ZNF442: variants seen among roughly 807,000 people sequenced by gnomAD.
ZNF442 encodes zinc finger protein 442.
Under a neutral mutation model 57.0 loss-of-function variants are expected in ZNF442, and 45 were observed. The ratio of observed to expected loss-of-function variants is 0.79; its 90% CI spans 0.62 to 1.01. The LOEUF (loss-of-function observed/expected upper bound fraction) is 1.01. ZNF442 is among the 50% of genes least tolerant of loss of function. The pLI is 0.00. For missense variants in ZNF442, 690 were observed against 756.5 expected, an observed-to-expected ratio of 0.91 and a Z score of 1.03; for synonymous variants, 213 against 241.8, an observed-to-expected ratio of 0.88 and a Z score of 1.10.
chr19:12,352,939 G>T, intron 4 of ZNF442, 49 bp downstream of exon 4: 1 of 1,580,796 alleles, frequency 6.3e-7, no homozygotes, highest in East Asian at 2.3e-5. Context: ...TGATGACCAA[G>T]AAAAAAATGT....
the ZNF442 span, among the ~76,000 whole-genome samples, chr19:12,373,415 A>G: frequency 2.6e-5 from 4 of 152,044 alleles, no homozygotes; most frequent in African/African-American, 9.7e-5. Context: ...GGTGGCGCAC[A>G]CCTATAGTCC....
rs372130409 is a variant in ZNF442 at position 12,349,904 on chromosome 19, G to A, written c.1681C>T (p.Arg561Ter). The A allele has an allele frequency of 5.5e-5, 88 of 1,613,770 alleles. No homozygotes were observed. Among genetic ancestry groups the A allele is most frequent in the African/African-American group, 6.7e-5 (5 of 74,788 alleles). The change falls in exon 6 of 6, where the codon CGA (arginine) becomes TGA (stop). Residue 561 changes from arginine to a stop codon, truncating the protein, a stop_gained. Coordinates refer to ENST00000242804, the MANE Select transcript of ZNF442 (RefSeq NM_030824.3). LOFTEE classifies it high-confidence loss of function. ...TTTCCAGTGTGAATTCTTTCATGTCGCAGAAGGCAAGTGAGCCAAGAGAAT... is the reference window on the plus strand; with the variant it reads ...TTTCCAGTGTGAATTCTTTCATGTCACAGAAGGCAAGTGAGCCAAGAGAAT... Reference protein sequence around the residue: ...KAFSWLTCLLRHERIHTGKKS... With the variant: ...KAFSWLTCLL
Position 12,349,402 on chromosome 19 carries a change from AC to A in ZNF442, c.*298del. On this transcript the variant is annotated 3_prime_UTR_variant, in exon 6 of 6. Transcript: ENST00000242804. ...TTTTAGTAACCTACTTTTTATTTTT[AC>A]TTTTACAAAAGCTTTGGGTTGGTGA... 4.5e-6 allele frequency: 1 copy of A among 224,512 alleles called. No homozygotes were observed. The highest frequency in any genetic ancestry group is 8.7e-6 in the Non-Finnish European group (1 of 115,058). 13.9% of individuals were successfully genotyped at this position (224,512 alleles called of 1,614,324 possible).
the ZNF442 span, among the ~76,000 whole-genome samples, chr19:12,373,063 C>T: frequency 1.3e-5 from 2 of 152,176 alleles, no homozygotes; most frequent in African/African-American, 2.4e-5. Flanking sequence ...TCAGCCACCG[C>T]ACCCAGCCGG....
At chr19:12,358,943 T>C (rs1969379260) in intron 3 of ZNF442, among the ~76,000 whole-genome samples, 1 of 152,172 alleles carries the variant, frequency 6.6e-6, no homozygotes, top group African/African-American at 2.4e-5. Flanking sequence ...GTCAATAATG[T>C]GCCAAGCCAA....
chr19:12,352,425 T>C (rs28412388), intron 4 of ZNF442, among the ~76,000 whole-genome samples: 7,365 of 152,114 alleles, frequency 0.048, 596 homozygotes, highest in African/African-American at 0.17. Flanking sequence ...AGGTGGGTTT[T>C]GAACTCCAGA....
At position 12,346,372 on chromosome 19, in the gene ZNF442, C is replaced by G. The variant is rs947021729; in HGVS notation, c.*3329G>C. On this transcript the variant is annotated 3_prime_UTR_variant, in exon 6 of 6. Coordinates refer to ENST00000242804, the MANE Select transcript of ZNF442 (RefSeq NM_030824.3). ...ATTATTATTGGTCATTAGGGAAATG[C>G]AAATCAAAACCACAATGAAAAAGCA... The G allele has an allele frequency of 1.3e-5, 2 of 152,000 alleles. No homozygotes were observed. The highest frequency in any genetic ancestry group is 2.9e-5 in the Non-Finnish European group (2 of 67,998). The allele number at this position is 152,000 out of a possible 1,614,324, so 9.4% of individuals were successfully genotyped here.
At chr19:12,351,896 G>A (rs1969244510) in intron 5 of ZNF442, 114 bp downstream of exon 5, 1 of 854,142 alleles carries the variant, frequency 1.2e-6, no homozygotes, top group Non-Finnish European at 1.8e-6. Flanking sequence ...AATTGTATAG[G>A]AATAAATAAG....
intron 3 of ZNF442, among the ~76,000 whole-genome samples, chr19:12,356,852 T>G (rs1390945992): frequency 6.6e-6 from 1 of 152,234 alleles, no homozygotes; most frequent in Non-Finnish European, 1.5e-5. Context: ...CTACACCTGC[T>G]ATTAGGATTT....
Position 12,348,105 on chromosome 19 carries a change from G to A in ZNF442, c.*1596C>T, listed in dbSNP as rs913799874. ...CATGCCTGTAATCTCAGCACTTTGGGAGGCCGAGGCAGGTGGATCACCTGA... is the reference window on the plus strand; with the variant it reads ...CATGCCTGTAATCTCAGCACTTTGGAAGGCCGAGGCAGGTGGATCACCTGA... On this transcript the variant is annotated 3_prime_UTR_variant, in exon 6 of 6. Coordinates refer to ENST00000242804, the MANE Select transcript of ZNF442 (RefSeq NM_030824.3). 5 of 152,160 alleles carry A rather than the reference G, an allele frequency of 3.3e-5. No homozygotes were observed. The highest frequency in any genetic ancestry group is 1.2e-4 in the African/African-American group (5 of 41,428). The allele number at this position is 152,160 out of a possible 1,614,324, so 9.4% of individuals were successfully genotyped here.
chr19:12,370,270 A>G (rs1969570224), upstream of ZNF442, among the ~76,000 whole-genome samples: 1 of 151,640 alleles, frequency 6.6e-6, no homozygotes, highest in Admixed American at 6.6e-5. Context: ...GGTGCATGCA[A>G]CCTGGATCCC....
chr19:12,370,264 C>T (rs1370742882), upstream of ZNF442, among the ~76,000 whole-genome samples: 1 of 151,642 alleles, frequency 6.6e-6, no homozygotes, highest in African/African-American at 2.4e-5. Context: ...TCATAAGGTG[C>T]ATGCAACCTG....
chr19:12,372,585 T>G, the ZNF442 span, among the ~76,000 whole-genome samples: 1 of 152,248 alleles, frequency 6.6e-6, no homozygotes, highest in Non-Finnish European at 1.5e-5. Context: ...TGAATTTATG[T>G]GTCAAGAGAA....
intron 2 of ZNF442, among the ~76,000 whole-genome samples, chr19:12,363,929 G>A (rs910803002): frequency 3.3e-5 from 5 of 152,200 alleles, no homozygotes; most frequent in Non-Finnish European, 7.3e-5. Flanking sequence ...GGCAGAGAGT[G>A]GGCTGAGAAC....
At chr19:12,369,694 G>A (rs1294746902), upstream of ZNF442, among the ~76,000 whole-genome samples, 2 of 151,916 alleles carry the variant, frequency 1.3e-5, no homozygotes, top group African/African-American at 2.4e-5. Context: ...TCAGGAGATC[G>A]AGACCATCCT....
At position 12,349,098 on chromosome 19, in the gene ZNF442, G is replaced by A. The variant is rs375696489; in HGVS notation, c.*603C>T. 6.6e-6 allele frequency: 1 copy of A among 150,914 alleles called. No homozygotes were observed. The allele number at this position is 150,914 out of a possible 1,614,324, so 9.3% of individuals were successfully genotyped here. On this transcript the variant is annotated 3_prime_UTR_variant, in exon 6 of 6. Coordinates refer to ENST00000242804, the MANE Select transcript of ZNF442 (RefSeq NM_030824.3). ...CATCTGTAATCCCAGCTACTCAGGAGGCTAAGACAGGAGAATTGCTTGAAC... is the reference window on the plus strand; with the variant it reads ...CATCTGTAATCCCAGCTACTCAGGAAGCTAAGACAGGAGAATTGCTTGAAC...
At chr19:12,360,552 T>C (rs1313814067) in intron 3 of ZNF442, among the ~76,000 whole-genome samples, 2 of 152,152 alleles carry the variant, frequency 1.3e-5, no homozygotes. Context: ...TTAGTTAGCA[T>C]TTATTTATTT....
At chr19:12,371,928 A>T in the ZNF442 span, among the ~76,000 whole-genome samples, 25 of 152,352 alleles carry the variant, frequency 1.6e-4, no homozygotes, top group Non-Finnish European at 3.2e-4. Flanking sequence ...ATTGCAACAA[A>T]AGAAAACATT....
Position 12,351,332 on chromosome 19 carries a change from G to A in ZNF442, c.267-14C>T. 6.3e-7 allele frequency: 1 copy of A among 1,594,104 alleles called. No homozygotes were observed. Among genetic ancestry groups the A allele is most frequent in the Non-Finnish European group, 8.5e-7 (1 of 1,170,508 alleles). ...ATGATATGACATCTGTAAAACATGA[G>A]AAGTATATTAATAAAGGTTTATTTA... On this transcript the variant is annotated splice_polypyrimidine_tract_variant and intron_variant, in intron 5 of 5. Transcript: ENST00000242804.
Sources: allele counts gnomAD v4.1 joint callset (sites outside exome capture counted in the v4.1 genomes callset), GRCh38; gene constraint gnomAD v4.1.1; transcripts MANE v1.5; gene names NCBI Gene and HGNC (gene_info 2026-07-23, HGNC 2026-07-21).